IQGAP3: variants seen among roughly 807,000 people sequenced by gnomAD.
The protein encoded by IQGAP3 is IQ motif containing GTPase activating protein 3, also known as ras GTPase-activating-like protein IQGAP3.
Under a neutral mutation model 208.2 loss-of-function variants are expected in IQGAP3, and 165 were observed. The ratio of observed to expected loss-of-function variants is 0.79; its 90% CI spans 0.70 to 0.90. The LOEUF (loss-of-function observed/expected upper bound fraction) is 0.90. Ranked by LOEUF, IQGAP3 falls within the 40% of genes least tolerant of loss-of-function variation. The probability of loss-of-function intolerance (pLI) is 0.00; values close to 1 mark genes in which losing one functional copy is unlikely to be tolerated. For missense variants in IQGAP3, 1,811 were observed against 2,043.1 expected (o/e 0.89, Z 2.19); for synonymous variants, 703 against 803.6 (o/e 0.87, Z 2.12).
In IQGAP3 at chr1:156,548,350, G is replaced by C. The variant is rs1675368479; in HGVS notation, c.2131C>G (p.Gln711Glu). 6.2e-7 allele frequency: 1 copy of C among 1,613,352 alleles called. No individual in the cohort carries two copies. Among genetic ancestry groups the C allele is most frequent in the Non-Finnish European group, 8.5e-7 (1 of 1,179,612 alleles). Reference protein sequence around the residue: ...NTSHLTREEIQSAVTKVTAAY... With the variant: ...NTSHLTREEIESAVTKVTAAY... ...ACCCTTGCAGGGGCTCTGCCAACCT[G>C]GATCTCCTCCCGGGTCAGGTGAGAG... Residue 711 changes from glutamine to glutamate, a missense_variant and splice_region_variant, in exon 18 of 38, where the codon CAG becomes GAG. Transcript: ENST00000361170.
At chr1:156,565,929 G>C (rs747971479) in intron 4 of IQGAP3, 98 bp downstream of exon 4, 2 of 902,942 alleles carry the variant, frequency 2.2e-6, no homozygotes, top group Non-Finnish European at 3.7e-6. Flanking sequence ...AAGACACATG[G>C]AAATAGGGCT....
Position 156,556,652 on chromosome 1 carries a change from T to A in IQGAP3, c.1171A>T (p.Arg391Ter), listed in dbSNP as rs2488269. The A allele has an allele frequency of 6.2e-7, 1 of 1,608,546 alleles. No homozygotes were observed. Among genetic ancestry groups the A allele is most frequent in the Non-Finnish European group, 8.5e-7 (1 of 1,176,468 alleles). Reference protein sequence around the residue: ...VQRINKAIRRRVAADTVKELM... With the variant: ...VQRINKAIRR ...TCCTTCACAGTGTCAGCCGCCACTC[T>A]CCTCCGGATGGCTTTGTTGATCCGC... is the stretch of plus-strand genomic sequence containing the variant. Residue 391 changes from arginine to a stop codon, truncating the protein, a stop_gained, in exon 12 of 38, where the codon AGA (arginine) becomes TGA (stop). Coordinates refer to ENST00000361170, the MANE Select transcript of IQGAP3 (RefSeq NM_178229.5). LOFTEE classifies it high-confidence loss of function.
chr1:156,529,006 A>G lies in IQGAP3; in HGVS notation c.4481T>C (p.Leu1494Pro). The G allele has an allele frequency of 2.5e-6, 4 of 1,614,230 alleles. No individual in the cohort carries two copies. Among genetic ancestry groups the G allele is most frequent in the Non-Finnish European group, 3.4e-6 (4 of 1,180,034 alleles). ...LVKLQATLQG[L>P]STKTTFYEEQ... ...CTCATAGAAGGTGGTCTTAGTGCTC[A>G]GGCCCTGTAATGTGGCCTGCAGCTT... The change falls in exon 35 of 38, where the codon CTG becomes CCG. Residue 1494 changes from leucine (L) to proline (P), a missense_variant. By Grantham distance (98) the Leu-to-Pro change is moderately conservative (BLOSUM62 -3). Coordinates refer to ENST00000361170, the MANE Select transcript of IQGAP3 (RefSeq NM_178229.5).
At chr1:156,560,389 T>C (rs971966972) in intron 11 of IQGAP3, among the ~76,000 whole-genome samples, 1 of 152,076 alleles carries the variant, frequency 6.6e-6, no homozygotes, top group Non-Finnish European at 1.5e-5. Flanking sequence ...CAGGTGCCTG[T>C]CAACCCAGCT....
intron 11 of IQGAP3, among the ~76,000 whole-genome samples, chr1:156,560,276 C>T (rs1676084161): frequency 6.9e-6 from 1 of 145,466 alleles, no homozygotes; most frequent in African/African-American, 2.8e-5. Context: ...CTTTGGGAGG[C>T]CAAGGTAGGC....
intron 11 of IQGAP3, among the ~76,000 whole-genome samples, chr1:156,558,279 G>A (rs13375053): frequency 3.9e-3 from 113 of 29,106 alleles, no homozygotes; most frequent in East Asian, 0.015. Context: ...CGGCCGCCCC[G>A]TCCGGGAGGT....
chr1:156,551,620 A>C, intron 15 of IQGAP3, 85 bp downstream of exon 15: 37 of 1,365,316 alleles, frequency 2.7e-5, no homozygotes, highest in Non-Finnish European at 3.5e-5. Flanking sequence ...CCATCAGAAT[A>C]GAGCTCTGCC....
intron 33 of IQGAP3, among the ~76,000 whole-genome samples, chr1:156,530,757 A>G (rs547444811): frequency 6.6e-6 from 1 of 152,294 alleles, no homozygotes; most frequent in South Asian, 2.1e-4. Flanking sequence ...ACCCTGGTTC[A>G]GTCTTCACTC....
rs764870731 is a variant in IQGAP3, at chr1:156,554,235, C to T, written c.1448G>A (p.Arg483His). 1.2e-5 allele frequency: 19 copies of T among 1,604,496 alleles called. No homozygotes were observed. Among genetic ancestry groups the T allele is most frequent in the Admixed American group, 1.7e-5 (1 of 57,406 alleles). The change falls in exon 13 of 38, where the codon CGT (arginine) becomes CAT (histidine). Residue 483 changes from arginine to histidine, a missense_variant and splice_region_variant. Coordinates refer to ENST00000361170, the MANE Select transcript of IQGAP3 (RefSeq NM_178229.5). ...LAEVEGENAQ[R>H]YFDALLKLRQ... ...CAATGTGTGGCTAAGCCTTTCTCAC[C>T]GCTGGGCATTTTCTCCTTCCACCTC... is the stretch of plus-strand genomic sequence containing the variant.
chr1:156,557,548 G>A (rs1172600613), intron 11 of IQGAP3, among the ~76,000 whole-genome samples: 5 of 77,132 alleles, frequency 6.5e-5, no homozygotes, highest in South Asian at 6.9e-4. Context: ...CAGCCGCCCC[G>A]TCCGGGAGGG....
At chr1:156,541,805 G>A (rs1361831950) in intron 22 of IQGAP3, among the ~76,000 whole-genome samples, 3 of 152,230 alleles carry the variant, frequency 2.0e-5, no homozygotes, top group Non-Finnish European at 4.4e-5. Flanking sequence ...AGTGTAGTTA[G>A]CACTTTGAGA....
chr1:156,540,632 C>T, intron 23 of IQGAP3, 76 bp downstream of exon 23: 1 of 1,335,562 alleles, frequency 7.5e-7, no homozygotes, highest in Non-Finnish European at 1.1e-6. Flanking sequence ...AATTGATTAG[C>T]AAGCAGAGAA....
At chr1:156,547,388 G>GACAC (rs61344699) in intron 19 of IQGAP3, among the ~76,000 whole-genome samples, 21,218 of 147,208 alleles carry the variant, frequency 0.14, 1,769 homozygotes, top group Non-Finnish European at 0.19. Context: ...CAGACACACA[G>GACAC]ACACACACAC....
intron 7 of IQGAP3, 96 bp from the exon 8 acceptor site, chr1:156,563,408 C>A: frequency 7.1e-7 from 1 of 1,413,306 alleles, no homozygotes; most frequent in South Asian, 1.4e-5. Flanking sequence ...TCCTTTTTCC[C>A]ACCCTCAAGG....
chr1:156,531,327 A>G, intron 32 of IQGAP3, 80 bp from the exon 33 acceptor site: 1 of 1,054,760 alleles, frequency 9.5e-7, no homozygotes, highest in East Asian at 2.4e-5. Flanking sequence ...GAGGTCTGAG[A>G]GTAAGTGGAC....
In IQGAP3 at chr1:156,548,456, C is replaced by T; in HGVS notation, c.2025G>A (p.Met675Ile). 1.2e-6 allele frequency: 2 copies of T among 1,613,862 alleles called. No individual in the cohort carries two copies. Among genetic ancestry groups the T allele is most frequent in the African/African-American group, 1.3e-5 (1 of 74,924 alleles). Residue 675 changes from methionine (M) to isoleucine (I), a missense_variant, in exon 18 of 38, where the codon ATG becomes ATA. Physicochemically the swap from Met to Ile is conservative, Grantham distance 10. Coordinates refer to ENST00000361170, the MANE Select transcript of IQGAP3 (RefSeq NM_178229.5). ...ADTAFWVQHD[M>I]KDGTAYYFHL... ...GGAAGTAGTAGGCAGTGCCATCCTT[C>T]ATGTCATGTTGAACCCAGAAAGCTG...
chr1:156,530,482 A>G (rs947802592), intron 33 of IQGAP3, among the ~76,000 whole-genome samples, 165 bp from the exon 34 acceptor site: 1 of 152,208 alleles, frequency 6.6e-6, no homozygotes, highest in Admixed American at 6.5e-5. Flanking sequence ...TGGCTGGGGC[A>G]GGGCATCGCT....
At chr1:156,543,071 T>G (rs558928650) in intron 22 of IQGAP3, among the ~76,000 whole-genome samples, 41 of 151,468 alleles carry the variant, frequency 2.7e-4, no homozygotes, top group Non-Finnish European at 5.0e-4. Context: ...GAGACAGCAC[T>G]AGGGAAAAGC....
At position 156,528,549 on chromosome 1, in the gene IQGAP3, T is replaced by C. The variant is rs1170037019; in HGVS notation, c.4633A>G (p.Lys1545Glu). The change falls in exon 36 of 38, where the codon AAG (lysine) becomes GAG (glutamate). Residue 1545 changes from lysine to glutamate, a missense_variant. Coordinates refer to ENST00000361170, the MANE Select transcript of IQGAP3 (RefSeq NM_178229.5). The stretch of plus-strand genomic sequence containing the variant: ...TCTTCAATTTCCACCAAGACACCCT[T>C]TTCCAGGAGCTGAGCAGCAGTGTAA... ...LHYTAAQLLEKGVLVEIEDLP... is the reference protein window; with the variant it reads ...LHYTAAQLLEEGVLVEIEDLP... 3 of 1,613,944 alleles carry C rather than the reference T, an allele frequency of 1.9e-6. No homozygotes were observed. In the African/African-American group the frequency reaches 4.0e-5, roughly 22 times the overall value.
Sources: gnomAD v4.1 joint callset for allele counts (sites outside exome capture counted in the v4.1 genomes callset) on GRCh38, gnomAD v4.1.1 for gene constraint, MANE v1.5 for transcripts, NCBI Gene and HGNC (gene_info 2026-07-23, HGNC 2026-07-21) for gene names.